The following PLCXD1 variants were observed in gnomAD, a reference collection of about 807,000 sequenced individuals.
PLCXD1 encodes the protein phosphatidylinositol specific phospholipase C X domain containing 1, also known as PI-PLC X domain-containing protein 1.
PLCXD1 carries 45 observed loss-of-function variants against 37.8 expected under a neutral mutation model. The observed-to-expected ratio is 1.19, with a 90% CI of 0.94 to 1.53. The LOEUF is 1.53. PLCXD1 is among the 40% of genes most tolerant of loss of function. The pLI, the probability that PLCXD1 is intolerant of heterozygous loss-of-function variation, is 0.00. For missense variants in PLCXD1, 539 were observed against 454.7 expected (o/e 1.19, Z -1.69); for synonymous variants, 246 against 206.9 (o/e 1.19, Z -1.62).
rs949243984 is a variant in PLCXD1 at position 293,749 on chromosome X, C to T, written c.733+531C>T. On this transcript the variant is annotated intron_variant, in intron 6 of 6. Coordinates refer to ENST00000381657, the MANE Select transcript of PLCXD1 (RefSeq NM_018390.4). ...AGCGGGCACAAACCTTAAGACATCA[C>T]GCTCAGTGAGAGAAGCCAGACACAA... 6.0e-4 allele frequency among the ~76,000 whole-genome samples: 92 copies of T among 152,250 alleles called. 1 individual carries two copies. The highest frequency in any genetic ancestry group is 1.1e-3 in the Non-Finnish European group (76 of 68,026).
At chrX:285,271 C>G (rs1446994140) in intron 2 of PLCXD1, among the ~76,000 whole-genome samples, 6 of 152,172 alleles carry the variant, frequency 3.9e-5, no homozygotes, top group Non-Finnish European at 8.8e-5. Flanking sequence ...TATACATGCA[C>G]ATAGGCTCAT....
rs1442086571 is a variant in PLCXD1, at chrX:299,237, G to T, written c.874G>T (p.Gly292Cys). 4 of 1,613,786 alleles carry T rather than the reference G, an allele frequency of 2.5e-6. No homozygotes were observed. The highest frequency in any genetic ancestry group is 3.4e-6 in the Non-Finnish European group (4 of 1,179,876). The change falls in exon 7 of 7, where the codon GGT (glycine) becomes TGT (cysteine). Residue 292 changes from glycine (G) to cysteine (C), a missense_variant. Gly to Cys is a radical substitution (Grantham distance 159). Transcript: ENST00000381657. ...GGTCCGAGAGCAGTGCCCGGGGCCG[G>T]GTTCACGGTGCACCAACATCATCGC... The part of the protein sequence containing the change: ...AWVREQCPGP[G>C]SRCTNIIAGD...
upstream of PLCXD1, among the ~76,000 whole-genome samples, chrX:276,800 G>A (rs28432303): frequency 0.51 from 76,716 of 151,826 alleles, 20,986 homozygotes; most frequent in East Asian, 0.69. Flanking sequence ...GGATGTTGGG[G>A]CACTGGGAAT....
Position 292,413 on chromosome X carries a change from C to T in PLCXD1, c.550-622C>T, listed in dbSNP as rs1355964158. Among the ~76,000 whole-genome samples the T allele has an allele frequency of 2.6e-4, 39 of 151,972 alleles. 1 individual carries two copies. The highest frequency in any genetic ancestry group is 3.4e-3 in the Middle Eastern group (1 of 294). On this transcript the variant is annotated intron_variant, in intron 5 of 6. Transcript: ENST00000381657. ...GGTGGAGGTTGCAGTGAGCCGAGAT[C>T]GCGCCACTGCATTCCAGCCTGGGAG...
chrX:286,305 TC>T (rs1371637873), intron 2 of PLCXD1, among the ~76,000 whole-genome samples: 1 of 152,076 alleles, frequency 6.6e-6, no homozygotes, highest in Non-Finnish European at 1.5e-5. Flanking sequence ...CCTCAGGCAA[TC>T]CACCTGCCTC....
chrX:288,548 C>T (rs1307918619), intron 2 of PLCXD1, among the ~76,000 whole-genome samples, 185 bp from the exon 3 acceptor site: 5 of 152,268 alleles, frequency 3.3e-5, no homozygotes, highest in South Asian at 2.1e-4. Flanking sequence ...TGTTTCAACA[C>T]GGGTCGTGTT....
rs1180244924 is a variant in PLCXD1, at chrX:299,175, A to G, written c.812A>G (p.Lys271Arg). ...GCGCACCCGTCCGAGTCCCTGGAGAAGATGACGCTGCCCAACCTTCCGCGG... is the reference window on the plus strand; with the variant it reads ...GCGCACCCGTCCGAGTCCCTGGAGAGGATGACGCTGCCCAACCTTCCGCGG... ...VLAHPSESLE[K>R]MTLPNLPRLS... is the part of the protein sequence containing the mutation. The change falls in exon 7 of 7, where the codon AAG becomes AGG. Residue 271 changes from lysine (K) to arginine (R), a missense_variant. Physicochemically the swap from Lys to Arg is conservative, Grantham distance 26. Transcript: ENST00000381657. 6.2e-6 allele frequency: 10 copies of G among 1,613,938 alleles called. No homozygotes were observed. The East Asian group carries it at 2.2e-4, about 36-fold the overall frequency.
rs2069965567 is a variant in PLCXD1, at chrX:300,380, A to G, written c.*1045A>G. On this transcript the variant is annotated 3_prime_UTR_variant, in exon 7 of 7. Transcript: ENST00000381657. ...AGCCTATAGATATATATGTGTGTGT[A>G]TATATGTGTGTTTATGTGTCTGTGT... The G allele has an allele frequency of 1.3e-5, 2 of 151,852 alleles. No individual in the cohort carries two copies. Among genetic ancestry groups the G allele is most frequent in the Non-Finnish European group, 2.9e-5 (2 of 68,018 alleles). 9.4% of individuals were successfully genotyped at this position (151,852 alleles called of 1,614,324 possible). A position where few individuals can be genotyped will look rare whatever the true frequency, so the allele number is the denominator to read the frequency against.
chrX:276,401 G>T (rs1001028336), upstream of PLCXD1: 2 of 152,338 alleles, frequency 1.3e-5, no homozygotes, highest in African/African-American at 4.8e-5. Flanking sequence ...GAAGGTGAGT[G>T]TGTCTACCCC....
chrX:285,310 G>T (rs2069414026), intron 2 of PLCXD1, among the ~76,000 whole-genome samples: 1 of 151,962 alleles, frequency 6.6e-6, no homozygotes, highest in Non-Finnish European at 1.5e-5. Flanking sequence ...ACACATGCAT[G>T]CACATGTGCG....
chrX:294,374 C>T (rs1283979922), intron 6 of PLCXD1, among the ~76,000 whole-genome samples: 1 of 151,904 alleles, frequency 6.6e-6, no homozygotes, highest in Non-Finnish European at 1.5e-5. Flanking sequence ...CCCAGCTACT[C>T]CGGAGGCTGA....
chrX:290,607 G>T, intron 3 of PLCXD1, 41 bp from the exon 4 acceptor site: 1 of 1,610,298 alleles, frequency 6.2e-7, no homozygotes, highest in African/African-American at 1.3e-5. Context: ...CCCAGACGCG[G>T]CGCTCAGCCA....
chrX:294,987 T>C (rs1036700285), intron 6 of PLCXD1, among the ~76,000 whole-genome samples: 8 of 151,648 alleles, frequency 5.3e-5, no homozygotes, highest in Admixed American at 2.6e-4. Context: ...ACCAGTCTGG[T>C]GAAACCCCAT....
chrX:292,200 C>A (rs1457680313), intron 5 of PLCXD1, among the ~76,000 whole-genome samples: 6 of 152,066 alleles, frequency 3.9e-5, no homozygotes, highest in East Asian at 3.9e-4. Flanking sequence ...TCACACCTGT[C>A]ATCCCAGGAC....
chrX:300,454 A>ATGTGTATATGTGTGTGTGTG lies in PLCXD1; in HGVS notation c.*1135_*1154dup, dbSNP rs1311944051. Reference sequence around the variant, plus strand: ...TGTATATATGTATGTATGTTTATACATGTGTATATGTGTGTGTGTGTGTGT... The same window carrying ATGTGTATATGTGTGTGTGTG: ...TGTATATATGTATGTATGTTTATACATGTGTATATGTGTGTGTGTGTGTGTATATGTGTGTGTGTGTGTGT... On this transcript the variant is annotated 3_prime_UTR_variant, in exon 7 of 7. Transcript: ENST00000381657. The ATGTGTATATGTGTGTGTGTG allele has an allele frequency of 7.1e-6, 1 of 140,098 alleles. No individual in the cohort carries two copies. Among genetic ancestry groups the ATGTGTATATGTGTGTGTGTG allele is most frequent in the South Asian group, 2.3e-4 (1 of 4,364 alleles). 8.7% of individuals were successfully genotyped at this position (140,098 alleles called of 1,614,324 possible).
At chrX:284,845 C>T (rs2069395888) in intron 2 of PLCXD1, among the ~76,000 whole-genome samples, 1 of 152,224 alleles carries the variant, frequency 6.6e-6, no homozygotes, top group Non-Finnish European at 1.5e-5. Context: ...TCACATGTTA[C>T]ATGGTGGCAG....
intron 1 of PLCXD1, among the ~76,000 whole-genome samples, chrX:282,000 A>G (rs1258765206): frequency 1.3e-5 from 2 of 151,952 alleles, no homozygotes; most frequent in Non-Finnish European, 2.9e-5. Context: ...CACCCACCTC[A>G]GCCTCCCAAA....
At chrX:290,390 A>C (rs1380705826) in intron 3 of PLCXD1, among the ~76,000 whole-genome samples, 1 of 149,006 alleles carries the variant, frequency 6.7e-6, no homozygotes, top group Non-Finnish European at 1.5e-5. Context: ...AGATTGCACC[A>C]CTGCACTCCA....
intron 2 of PLCXD1, among the ~76,000 whole-genome samples, chrX:285,238 A>C (rs1339766357): frequency 1.3e-5 from 2 of 152,176 alleles, no homozygotes; most frequent in Non-Finnish European, 2.9e-5. Context: ...ACATGGATGT[A>C]GGCACATACT....
Sources: allele counts gnomAD v4.1 joint callset (sites outside exome capture counted in the v4.1 genomes callset), GRCh38; gene constraint gnomAD v4.1.1; transcripts MANE v1.5; gene names NCBI Gene and HGNC (gene_info 2026-07-23, HGNC 2026-07-21).